NETO1: variants seen among roughly 807,000 people sequenced by gnomAD.
NETO1 encodes the protein neuropilin and tolloid like 1.
Under a neutral mutation model 61.3 loss-of-function variants are expected in NETO1, and 26 were observed. The observed-to-expected ratio is 0.42, with a 90% CI of 0.31 to 0.59. NETO1 has a LOEUF of 0.59. NETO1 is among the 20% of genes least tolerant of loss of function. The probability of loss-of-function intolerance (pLI) is 0.12; values close to 1 mark genes in which losing one functional copy is unlikely to be tolerated. For missense variants in NETO1, 531 were observed against 662.8 expected, an observed-to-expected ratio of 0.80 and a Z score of 2.18; for synonymous variants, 225 against 225.8, an observed-to-expected ratio of 1.00 and a Z score of 0.03.
At chr18:72,769,114 C>G (rs1335611262) in intron 7 of NETO1, among the ~76,000 whole-genome samples, 2 of 152,258 alleles carry the variant, frequency 1.3e-5, no homozygotes, top group East Asian at 3.9e-4. Flanking sequence ...AGCCAGGATA[C>G]CCTGACAACT....
rs2070976315 is a variant in NETO1 at position 72,761,644 on chromosome 18, G to A, written c.869-5497C>T. Among the ~76,000 whole-genome samples the A allele has an allele frequency of 2.0e-5, 3 of 152,302 alleles. No individual in the cohort carries two copies. The South Asian group carries it at 6.2e-4, about 32-fold the overall frequency. ...GAAATGTTTTTGCAGACATGTAAAT[G>A]ATCCGATAGAATTGAGGCTTGGATA... On this transcript the variant is annotated intron_variant, in intron 7 of 10. Coordinates refer to ENST00000327305, the MANE Select transcript of NETO1 (RefSeq NM_138966.5).
chr18:72,743,008 G>C (rs2070366050), downstream of NETO1, among the ~76,000 whole-genome samples: 2 of 152,244 alleles, frequency 1.3e-5, no homozygotes, highest in East Asian at 3.9e-4. Flanking sequence ...TTTCTACACT[G>C]TTTTGATTCT....
At chr18:72,781,223 C>T (rs575858717) in intron 7 of NETO1, among the ~76,000 whole-genome samples, 37 of 152,092 alleles carry the variant, frequency 2.4e-4, no homozygotes, top group Non-Finnish European at 4.3e-4. Flanking sequence ...TATTAGCTTG[C>T]CCTTCCAAAT....
At chr18:72,774,290 T>C (rs987287901) in intron 7 of NETO1, among the ~76,000 whole-genome samples, 6 of 152,164 alleles carry the variant, frequency 3.9e-5, no homozygotes, top group Admixed American at 6.6e-5. Context: ...AAGAATAAGA[T>C]TGGCTCAGAA....
intron 4 of NETO1, among the ~76,000 whole-genome samples, chr18:72,822,587 A>G (rs2073235913): frequency 6.6e-6 from 1 of 152,218 alleles, no homozygotes; most frequent in African/African-American, 2.4e-5. Flanking sequence ...CCTACCGCCA[A>G]GCAAAATCGT....
At chr18:72,840,830 T>C (rs1054469997) in intron 4 of NETO1, among the ~76,000 whole-genome samples, 2 of 152,144 alleles carry the variant, frequency 1.3e-5, no homozygotes, top group Non-Finnish European at 2.9e-5. Flanking sequence ...ATCACAATAG[T>C]ACAGTAAAGA....
downstream of NETO1, chr18:72,742,853 C>T (rs2070364056): frequency 1.3e-5 from 2 of 152,154 alleles, no homozygotes; most frequent in African/African-American, 4.8e-5. Flanking sequence ...ATGTAAAACA[C>T]TCAAAATGGT....
intron 4 of NETO1, among the ~76,000 whole-genome samples, chr18:72,804,350 C>T (rs562181444): frequency 8.5e-5 from 13 of 152,240 alleles, no homozygotes; most frequent in Non-Finnish European, 1.5e-4. Flanking sequence ...CAGGCTTGCA[C>T]GATGTATTTA....
In NETO1 at chr18:72,810,037, A is replaced by G. The variant is rs1409086463; in HGVS notation, c.470-15633T>C. Among the ~76,000 whole-genome samples the G allele has an allele frequency of 4.6e-5, 7 of 152,212 alleles. No individual in the cohort carries two copies. The East Asian group carries it at 1.2e-3, about 25-fold the overall frequency. On this transcript the variant is annotated intron_variant, in intron 4 of 10. Coordinates refer to ENST00000327305, the MANE Select transcript of NETO1 (RefSeq NM_138966.5). ...GAAACTTTTTCTAAAAAAATAAAAC[A>G]TTGTGTCTAATGTCACTGTTTGCAA...
intron 4 of NETO1, among the ~76,000 whole-genome samples, chr18:72,813,704 C>A (rs942610385): frequency 6.6e-6 from 1 of 151,974 alleles, no homozygotes; most frequent in African/African-American, 2.4e-5. Context: ...ATAAAGGATG[C>A]ACTCAAAGAT....
intron 4 of NETO1, among the ~76,000 whole-genome samples, chr18:72,822,235 C>A (rs994218212): frequency 7.2e-5 from 11 of 152,178 alleles, no homozygotes; most frequent in Non-Finnish European, 1.2e-4. Flanking sequence ...GGGCTCAAGT[C>A]TCAGAGGGTG....
chr18:72,805,300 C>CA (rs1317245524), intron 4 of NETO1, among the ~76,000 whole-genome samples: 19 of 152,058 alleles, frequency 1.2e-4, no homozygotes, highest in Admixed American at 2.6e-4. Context: ...AACTAAAATA[C>CA]AAATGAATCA....
At chr18:72,750,912 C>CACACACACACACACAA (rs1289440099) in intron 8 of NETO1, among the ~76,000 whole-genome samples, 1 of 119,878 alleles carries the variant, frequency 8.3e-6, no homozygotes, top group Non-Finnish European at 1.7e-5. Flanking sequence ...CACACACACA[C>CACACACACACACACAA]AATCCTCTAT....
At chr18:72,813,979 G>A (rs774990777) in intron 4 of NETO1, among the ~76,000 whole-genome samples, 5 of 151,934 alleles carry the variant, frequency 3.3e-5, no homozygotes, top group Non-Finnish European at 7.4e-5. Flanking sequence ...TGATTTCAGT[G>A]GCACCCGGGA....
At position 72,750,621 on chromosome 18, in the gene NETO1, C is replaced by G; in HGVS notation, c.983-1G>C. 5 of 1,599,336 alleles carry G rather than the reference C, an allele frequency of 3.1e-6. No homozygotes were observed. The highest frequency in any genetic ancestry group is 4.3e-6 in the Non-Finnish European group (5 of 1,175,716). On this transcript the variant is annotated splice_acceptor_variant, in intron 8 of 10. Coordinates refer to ENST00000327305, the MANE Select transcript of NETO1 (RefSeq NM_138966.5). LOFTEE classifies it high-confidence loss of function. ...TCCAGCAGGCTGGTTTTCCTCTTCTCTATAGGTTGGAGAGAGTGAAAACAA... is the reference window on the plus strand; with the variant it reads ...TCCAGCAGGCTGGTTTTCCTCTTCTGTATAGGTTGGAGAGAGTGAAAACAA...
intron 3 of NETO1, among the ~76,000 whole-genome samples, chr18:72,861,692 G>A (rs2074576743): frequency 6.6e-6 from 1 of 152,136 alleles, no homozygotes; most frequent in African/African-American, 2.4e-5. Context: ...GACCTCGCTT[G>A]TATTCTTCAT....
chr18:72,809,753 G>A (rs1345646994), intron 4 of NETO1, among the ~76,000 whole-genome samples: 1 of 152,198 alleles, frequency 6.6e-6, no homozygotes, highest in Non-Finnish European at 1.5e-5. Flanking sequence ...ATGTTGAGAT[G>A]AAAGAGAAGT....
Position 72,864,950 on chromosome 18 carries a change from TAAAAA to T in NETO1, c.83-10_83-6del. On this transcript the variant is annotated splice_polypyrimidine_tract_variant and splice_region_variant and intron_variant, in intron 2 of 10. Transcript: ENST00000327305. ...TTTCTGAGGTGGTTTGCTTTTCTGTTAAAAAAAAAAAAAAGTTTTAAAAAGAGCCA... is the reference window on the plus strand; with the variant it reads ...TTTCTGAGGTGGTTTGCTTTTCTGTTAAAAAAAAAGTTTTAAAAAGAGCCA... The T allele has an allele frequency of 6.9e-7, 1 of 1,456,984 alleles. No individual in the cohort carries two copies. The highest frequency in any genetic ancestry group is 2.4e-5 in the East Asian group (1 of 41,552). The allele number at this position is 1,456,984 out of a possible 1,614,324, so 90.3% of individuals were successfully genotyped here. A position where few individuals can be genotyped will look rare whatever the true frequency, so the allele number is the denominator to read the frequency against.
chr18:72,799,356 T>A, intron 4 of NETO1, among the ~76,000 whole-genome samples: 1 of 152,230 alleles, frequency 6.6e-6, no homozygotes, highest in East Asian at 1.9e-4. Flanking sequence ...TGGTGTATTT[T>A]TCAAGATGAT....
Sources: allele counts gnomAD v4.1 joint callset (sites outside exome capture counted in the v4.1 genomes callset), GRCh38; gene constraint gnomAD v4.1.1; transcripts MANE v1.5; gene names NCBI Gene and HGNC (gene_info 2026-07-23, HGNC 2026-07-21).